The following SIMC1 variants were observed in gnomAD, a reference collection of about 807,000 sequenced individuals.
SIMC1 encodes SUMO interacting motifs containing 1, also known as SUMO-interacting motif-containing protein 1.
SIMC1 carries 55 observed loss-of-function variants against 82.3 expected under a neutral mutation model. The observed-to-expected ratio is 0.67, with a 90% confidence interval of 0.54 to 0.84. The LOEUF (loss-of-function observed/expected upper bound fraction) is 0.84, where lower values mean the gene tolerates loss of function less well. Among genes scored for constraint, SIMC1 ranks in the 40% least tolerant of loss-of-function variants. The pLI is 0.00. For synonymous variants in SIMC1, 353 were observed against 426.3 expected (o/e 0.83, Z 2.12); for missense variants, 915 against 1,107.2 (o/e 0.83, Z 2.46).
intron 4 of SIMC1, among the ~76,000 whole-genome samples, chr5:176,305,839 G>T (rs1326734808): frequency 1.6e-5 from 1 of 63,340 alleles, no homozygotes; most frequent in Admixed American, 1.4e-4. Context: ...CAGCCGCCCC[G>T]TCCGGGAGGG....
At chr5:176,340,408 G>A (rs1766086481) in intron 9 of SIMC1, among the ~76,000 whole-genome samples, 1 of 152,086 alleles carries the variant, frequency 6.6e-6, no homozygotes. Context: ...TGAATTCTAG[G>A]GATTTGAACA....
At chr5:176,279,343 G>C in intron 1 of SIMC1, among the ~76,000 whole-genome samples, 1 of 151,816 alleles carries the variant, frequency 6.6e-6, no homozygotes, top group East Asian at 1.9e-4. Context: ...TTTTTATTGC[G>C]TCTATTTGAT....
At chr5:176,324,542 T>G in intron 6 of SIMC1, 87 bp from the exon 7 acceptor site, 1 of 1,389,668 alleles carries the variant, frequency 7.2e-7, no homozygotes, top group Non-Finnish European at 9.8e-7. Flanking sequence ...CTACTCTCGA[T>G]GTACACTGGT....
At position 176,344,145 on chromosome 5, in the gene SIMC1, T is replaced by C. The variant is rs575636052; in HGVS notation, c.2414-1038T>C. Among the ~76,000 whole-genome samples the C allele has an allele frequency of 2.6e-5, 4 of 152,226 alleles. No homozygotes were observed. The South Asian group carries it at 6.2e-4, about 24-fold the overall frequency. On this transcript the variant is annotated intron_variant, in intron 9 of 9. Coordinates refer to ENST00000429602, the MANE Select transcript of SIMC1 (RefSeq NM_001308195.2). The stretch of plus-strand genomic sequence containing the variant: ...ATTATCTAATAGTGTCCCAGTAATA[T>C]ACTTTTTAGGTAGTTGATTTTAGAT...
At chr5:176,309,312 C>T (rs1764557985) in intron 4 of SIMC1, among the ~76,000 whole-genome samples, 1 of 152,204 alleles carries the variant, frequency 6.6e-6, no homozygotes, top group Non-Finnish European at 1.5e-5. Flanking sequence ...AGCAATTAGA[C>T]ACCCATAGCA....
At chr5:176,258,305 G>A (rs1761912232) in intron 1 of SIMC1, among the ~76,000 whole-genome samples, 1 of 151,524 alleles carries the variant, frequency 6.6e-6, no homozygotes, top group Non-Finnish European at 1.5e-5. Flanking sequence ...CATGAGGTAG[G>A]TAGTATTATT....
At chr5:176,255,721 T>TAA (rs202176692) in intron 1 of SIMC1, among the ~76,000 whole-genome samples, 285 of 130,818 alleles carry the variant, frequency 2.2e-3, no homozygotes, top group South Asian at 0.011. Flanking sequence ...TGAGTACTCC[T>TAA]AAAAAAAAAA....
intron 1 of SIMC1, among the ~76,000 whole-genome samples, chr5:176,254,165 C>T (rs1761778179): frequency 6.6e-6 from 1 of 151,976 alleles, no homozygotes; most frequent in African/African-American, 2.4e-5. Flanking sequence ...GGGATGTTGC[C>T]AAGGTCACCC....
At chr5:176,313,902 C>T (rs750625989) in intron 5 of SIMC1, 57 bp downstream of exon 5, 13 of 1,600,594 alleles carry the variant, frequency 8.1e-6, no homozygotes, top group Non-Finnish European at 1.1e-5. Context: ...AGGTGGGCAG[C>T]TGCTGAAGGC....
chr5:176,247,057 T>G (rs1395455276), intron 1 of SIMC1, among the ~76,000 whole-genome samples: 2 of 152,160 alleles, frequency 1.3e-5, no homozygotes, highest in African/African-American at 4.8e-5. Context: ...TGAATAGTGC[T>G]GCAATAAACA....
intron 4 of SIMC1, among the ~76,000 whole-genome samples, chr5:176,301,184 G>A (rs1337067800): frequency 1.3e-5 from 2 of 152,064 alleles, no homozygotes; most frequent in Non-Finnish European, 2.9e-5. Context: ...GTTATGGGAG[G>A]GACCTGGTGG....
At chr5:176,313,085 A>C (rs1389637021) in intron 4 of SIMC1, 4 of 203,300 alleles carry the variant, frequency 2.0e-5, no homozygotes, top group Admixed American at 5.3e-5. Flanking sequence ...AGTTAGGATC[A>C]TTTCACCTGT....
At chr5:176,324,254 A>T (rs1457088033) in intron 6 of SIMC1, among the ~76,000 whole-genome samples, 1 of 152,186 alleles carries the variant, frequency 6.6e-6, no homozygotes, top group Non-Finnish European at 1.5e-5. Flanking sequence ...AATTTAAATC[A>T]TTTTAAGTCA....
intron 1 of SIMC1, among the ~76,000 whole-genome samples, chr5:176,250,261 G>A (rs1326351892): frequency 1.3e-5 from 2 of 152,200 alleles, no homozygotes; most frequent in Non-Finnish European, 2.9e-5. Context: ...CAGTTTCCAT[G>A]TAGTTGTGCA....
intron 4 of SIMC1, chr5:176,304,213 G>GCTCCCGCTCCCTCTCCCTCTCCCT (rs1764171340): frequency 4.0e-5 from 6 of 149,400 alleles, no homozygotes; most frequent in Non-Finnish European, 8.9e-5. Flanking sequence ...AAGAACTCCA[G>GCTCCCGCTCCCTCTCCCTCTCCCT]CTCCCTCTCC....
chr5:176,300,065 G>A (rs1205810405), intron 4 of SIMC1, among the ~76,000 whole-genome samples: 8 of 152,082 alleles, frequency 5.3e-5, no homozygotes, highest in South Asian at 2.1e-4. Flanking sequence ...AAAATACTCC[G>A]GGACAAATTA....
At chr5:176,308,836 C>T in intron 4 of SIMC1, 2 of 1,236,742 alleles carry the variant, frequency 1.6e-6, no homozygotes, top group Non-Finnish European at 2.4e-6. Context: ...CATCTGGACT[C>T]ATAACCAAGA....
intron 7 of SIMC1, among the ~76,000 whole-genome samples, chr5:176,329,009 G>C (rs1765511572): frequency 1.3e-5 from 2 of 152,138 alleles, no homozygotes; most frequent in African/African-American, 4.8e-5. Context: ...TTTTCCCCTA[G>C]ATACAAGGGG....
intron 1 of SIMC1, among the ~76,000 whole-genome samples, chr5:176,245,559 T>C (rs1269816534): frequency 6.6e-6 from 1 of 152,256 alleles, no homozygotes; most frequent in Non-Finnish European, 1.5e-5. Context: ...CGATTTTGTT[T>C]TTTTAATTAC....
Sources: allele counts gnomAD v4.1 joint callset (sites outside exome capture counted in the v4.1 genomes callset), GRCh38; gene constraint gnomAD v4.1.1; transcripts MANE v1.5; gene names NCBI Gene and HGNC (gene_info 2026-07-23, HGNC 2026-07-21).